Variants in SEMA6D observed in about 807,000 individuals in gnomAD.
SEMA6D encodes semaphorin 6D.
SEMA6D carries 35 observed loss-of-function variants against 106.6 expected under a neutral mutation model. The ratio of observed to expected loss-of-function variants is 0.33; its 90% CI spans 0.25 to 0.44. The LOEUF is 0.44. SEMA6D is among the 20% of genes least tolerant of loss of function. The pLI is 1.00. For missense variants in SEMA6D, 1,185 were observed against 1,345.9 expected, an observed-to-expected ratio of 0.88 and a Z score of 1.87; for synonymous variants, 499 against 487.7, an observed-to-expected ratio of 1.02 and a Z score of -0.31.
chr15:47,381,357 A>C (rs1439622980), intron 1 of SEMA6D, among the ~76,000 whole-genome samples: 1 of 152,240 alleles, frequency 6.6e-6, no homozygotes, highest in African/African-American at 2.4e-5. Context: ...ACAAGAGCTC[A>C]TCACAGATAA....
chr15:47,491,139 A>T (rs1375876289), intron 3 of SEMA6D, among the ~76,000 whole-genome samples: 2 of 152,230 alleles, frequency 1.3e-5, no homozygotes, highest in East Asian at 1.9e-4. Flanking sequence ...CTGATATACC[A>T]TGCAGACATC....
At position 47,407,418 on chromosome 15, in the gene SEMA6D, C is replaced by CA. The variant is rs1284593846; in HGVS notation, c.-238-4967dup. Among the ~76,000 whole-genome samples the CA allele has an allele frequency of 1.5e-3, 150 of 97,852 alleles. 5 individuals carry two copies. Among genetic ancestry groups the CA allele is most frequent in the Admixed American group, 2.6e-3 (24 of 9,218 alleles). 64.2% of individuals were successfully genotyped at this position (97,852 alleles called of 152,430 possible). On this transcript the variant is annotated intron_variant, in intron 1 of 19. Transcript: ENST00000558014. ...ACAACAACAACAACAACAAAAAAAA[C>CA]AAAAAAAACAAACAAAAATACTTAA...
intron 4 of SEMA6D, among the ~76,000 whole-genome samples, chr15:47,700,704 C>T (rs375322456): frequency 3.3e-5 from 5 of 152,106 alleles, no homozygotes; most frequent in East Asian, 1.9e-4. Flanking sequence ...ACAGGAGAAT[C>T]GCTTGAGCCC....
At chr15:47,365,109 C>G (rs2038963765) in intron 1 of SEMA6D, among the ~76,000 whole-genome samples, 1 of 152,212 alleles carries the variant, frequency 6.6e-6, no homozygotes, top group Middle Eastern at 3.4e-3. Context: ...CTAAAAGGCT[C>G]CGAGAGGATA....
intron 2 of SEMA6D, among the ~76,000 whole-genome samples, chr15:47,441,826 G>A (rs1392991076): frequency 6.6e-6 from 1 of 152,032 alleles, no homozygotes; most frequent in Non-Finnish European, 1.5e-5. Flanking sequence ...TGATTTCCAC[G>A]TGGTTATTTG....
chr15:47,573,795 T>C (rs1000366550), intron 3 of SEMA6D, among the ~76,000 whole-genome samples: 1 of 152,226 alleles, frequency 6.6e-6, no homozygotes, highest in Non-Finnish European at 1.5e-5. Flanking sequence ...TCTTCAACTT[T>C]ATTTTTCATC....
At position 47,406,884 on chromosome 15, in the gene SEMA6D, T is replaced by A. The variant is rs372408575; in HGVS notation, c.-238-5509T>A. Among the ~76,000 whole-genome samples the A allele has an allele frequency of 2.2e-4, 33 of 151,882 alleles. No homozygotes were observed. In the South Asian group the frequency reaches 6.6e-3, roughly 31 times the overall value. Reference sequence around the variant, plus strand: ...CACAATGTATGTCCATGCCAAAACATCACATCGTGTACCCTAGATATGTGT... The same window carrying A: ...CACAATGTATGTCCATGCCAAAACAACACATCGTGTACCCTAGATATGTGT... On this transcript the variant is annotated intron_variant, in intron 1 of 19. Transcript: ENST00000558014.
At chr15:47,606,320 A>G (rs1200577514) in intron 4 of SEMA6D, 2 of 152,158 alleles carry the variant, frequency 1.3e-5, no homozygotes. Context: ...GAGAGATCTG[A>G]GAATAAGGCT....
At chr15:47,299,663 T>C (rs1459801582) in intron 1 of SEMA6D, among the ~76,000 whole-genome samples, 1 of 152,224 alleles carries the variant, frequency 6.6e-6, no homozygotes, top group Non-Finnish European at 1.5e-5. Flanking sequence ...TGTGTATTGT[T>C]ATTCTTGATG....
At chr15:47,204,973 T>G (rs954025969) in intron 1 of SEMA6D, among the ~76,000 whole-genome samples, 17 of 152,244 alleles carry the variant, frequency 1.1e-4, no homozygotes, top group African/African-American at 4.1e-4. Context: ...TCAGATTTAT[T>G]TAGCACCTAC....
chr15:47,392,690 C>T (rs964832313), intron 1 of SEMA6D, among the ~76,000 whole-genome samples: 22 of 152,190 alleles, frequency 1.4e-4, no homozygotes, highest in Admixed American at 1.0e-3. Context: ...TTCCAGAAGT[C>T]GAAGATAATA....
chr15:47,420,451 T>C (rs1410972286), intron 2 of SEMA6D, among the ~76,000 whole-genome samples: 2 of 152,078 alleles, frequency 1.3e-5, no homozygotes, highest in African/African-American at 2.4e-5. Context: ...TGTATGTCCA[T>C]TGCCTCCAAT....
Position 47,566,377 on chromosome 15 carries a change from A to G in SEMA6D, c.-86-34488A>G, listed in dbSNP as rs16959687. On this transcript the variant is annotated intron_variant, in intron 3 of 19. Coordinates refer to the SEMA6D transcript ENST00000558014. ...AGGAGGCAGACAATGGGGAAGAGGA[A>G]GAGACAATGACAAAGTAAGGCTGGA... 3.7e-3 allele frequency among the ~76,000 whole-genome samples: 567 copies of G among 152,302 alleles called. 2 individuals carry two copies. Among genetic ancestry groups the G allele is most frequent in the Non-Finnish European group, 5.5e-3 (372 of 68,012 alleles).
intron 6 of SEMA6D, 106 bp from the exon 7 acceptor site, chr15:47,761,555 A>G (rs2082062892): frequency 2.4e-6 from 3 of 1,263,500 alleles, no homozygotes; most frequent in Admixed American, 2.2e-5. Flanking sequence ...ATGAAAGAAT[A>G]AAGACAGAAT....
intron 1 of SEMA6D, among the ~76,000 whole-genome samples, chr15:47,216,044 G>A (rs1000129627): frequency 2.0e-5 from 3 of 152,054 alleles, no homozygotes; most frequent in East Asian, 1.9e-4. Flanking sequence ...GATGATACTC[G>A]GTCTAAATTA....
chr15:47,548,929 A>G (rs1461802683), intron 3 of SEMA6D, among the ~76,000 whole-genome samples: 2 of 152,070 alleles, frequency 1.3e-5, no homozygotes, highest in Non-Finnish European at 2.9e-5. Flanking sequence ...TAATATCAGT[A>G]TTATCATCAA....
At chr15:47,270,617 GTAAT>G (rs1285575380) in intron 1 of SEMA6D, among the ~76,000 whole-genome samples, 2 of 152,260 alleles carry the variant, frequency 1.3e-5, no homozygotes, top group Admixed American at 6.5e-5. Context: ...TGTAGACTCT[GTAAT>G]TAGTCTTTTA....
chr15:47,422,415 C>A (rs1368134010), intron 2 of SEMA6D, among the ~76,000 whole-genome samples: 1 of 151,956 alleles, frequency 6.6e-6, no homozygotes, highest in African/African-American at 2.4e-5. Flanking sequence ...CTTTTCAAAA[C>A]AGTTGGGTAT....
At chr15:47,642,878 G>C (rs112391776) in intron 4 of SEMA6D, among the ~76,000 whole-genome samples, 2,175 of 152,190 alleles carry the variant, frequency 0.014, 49 homozygotes, top group African/African-American at 0.05. Context: ...TATATTGAGA[G>C]AGAGAGAGGT....
Sources: gnomAD v4.1 joint callset for allele counts (sites outside exome capture counted in the v4.1 genomes callset) on GRCh38, gnomAD v4.1.1 for gene constraint, MANE v1.5 for transcripts, NCBI Gene and HGNC (gene_info 2026-07-23, HGNC 2026-07-21) for gene names.